Variants in STXBP5L observed in about 807,000 individuals in gnomAD.
STXBP5L encodes the protein syntaxin-binding protein 5-like.
In STXBP5L, 65 loss-of-function variants were observed where a neutral mutation model predicts 144.5. The ratio of observed to expected loss-of-function variants is 0.45; its 90% CI spans 0.37 to 0.55. The LOEUF is 0.55. STXBP5L is among the 20% of genes least tolerant of loss of function. The pLI, the probability that STXBP5L is intolerant of heterozygous loss-of-function variation, is 0.00. For missense variants in STXBP5L, 1,298 were observed against 1,405.5 expected (o/e 0.92, Z 1.22); for synonymous variants, 505 against 469.6 (o/e 1.08, Z -0.97).
At chr3:121,357,916 T>A (rs986427239) in intron 20 of STXBP5L, 1 of 152,202 alleles carries the variant, frequency 6.6e-6, no homozygotes, top group Non-Finnish European at 1.5e-5. Context: ...CAAATACCTA[T>A]TTATGAAGTG....
At chr3:121,372,593 G>A (rs2046065214) in intron 20 of STXBP5L, among the ~76,000 whole-genome samples, 1 of 152,142 alleles carries the variant, frequency 6.6e-6, no homozygotes, top group African/African-American at 2.4e-5. Flanking sequence ...ATTGGGGTCA[G>A]GGAACAAGTC....
rs1042745303 is a variant in STXBP5L, at chr3:120,954,239, T to G, written c.190-701T>G. The stretch of plus-strand genomic sequence containing the variant: ...TCTTAACATTTTTTGAGGTGTAATT[T>G]ATATGCAGAGAAATCACAAATTTTA... On this transcript the variant is annotated intron_variant, in intron 2 of 26. Transcript: ENST00000471454. Among the ~76,000 whole-genome samples, 4 of 152,190 alleles carry G rather than the reference T, an allele frequency of 2.6e-5. No individual in the cohort carries two copies. The East Asian group carries it at 7.7e-4, about 29-fold the overall frequency.
chr3:121,252,551 A>G (rs796637272), intron 15 of STXBP5L, among the ~76,000 whole-genome samples: 11 of 152,322 alleles, frequency 7.2e-5, no homozygotes, highest in African/African-American at 2.4e-4. Context: ...AGCATGTTTA[A>G]TATTTTCACT....
At chr3:121,277,276 A>G (rs1394954104) in intron 18 of STXBP5L, among the ~76,000 whole-genome samples, 2 of 151,932 alleles carry the variant, frequency 1.3e-5, no homozygotes, top group Non-Finnish European at 2.9e-5. Context: ...CTCTAATTTT[A>G]TCCATGAGAG....
intron 3 of STXBP5L, 113 bp from the exon 4 acceptor site, chr3:121,041,586 TA>T (rs1394365415): frequency 5.1e-5 from 38 of 738,228 alleles, no homozygotes; most frequent in Non-Finnish European, 8.1e-5. Flanking sequence ...CAACTATTTA[TA>T]AAAATAAGGG....
intron 7 of STXBP5L, among the ~76,000 whole-genome samples, chr3:121,148,830 T>G (rs940728967): frequency 4.6e-5 from 7 of 152,130 alleles, no homozygotes; most frequent in Admixed American, 1.3e-4. Flanking sequence ...CATGGCAGTA[T>G]TATTACATCA....
chr3:121,148,850 T>C (rs1402846909), intron 7 of STXBP5L, among the ~76,000 whole-genome samples: 1 of 152,062 alleles, frequency 6.6e-6, no homozygotes, highest in Non-Finnish European at 1.5e-5. Flanking sequence ...AACTGTAAAA[T>C]GAATAAATTA....
intron 3 of STXBP5L, among the ~76,000 whole-genome samples, chr3:120,963,010 C>T (rs574215190): frequency 2.0e-5 from 3 of 152,246 alleles, no homozygotes; most frequent in South Asian, 4.1e-4. Context: ...TAGTTGGATT[C>T]CTAGGTATTT....
chr3:121,192,049 A>G (rs562942766), intron 9 of STXBP5L, among the ~76,000 whole-genome samples: 1 of 152,166 alleles, frequency 6.6e-6, no homozygotes, highest in South Asian at 2.1e-4. Context: ...TACATATGTA[A>G]CAAACCTGCA....
At chr3:121,193,363 C>T (rs927763750) in intron 9 of STXBP5L, among the ~76,000 whole-genome samples, 1 of 142,884 alleles carries the variant, frequency 7.0e-6, no homozygotes, top group African/African-American at 2.6e-5. Context: ...AGCACTTTTA[C>T]ACTGTTAGTG....
At chr3:121,263,424 T>C (rs547409644) in intron 18 of STXBP5L, among the ~76,000 whole-genome samples, 2 of 152,242 alleles carry the variant, frequency 1.3e-5, no homozygotes, top group South Asian at 4.1e-4. Context: ...CTCTAAATCA[T>C]CACAATTCCT....
intron 19 of STXBP5L, among the ~76,000 whole-genome samples, chr3:121,298,992 A>T (rs2051776364): frequency 6.6e-6 from 1 of 152,200 alleles, no homozygotes; most frequent in Admixed American, 6.5e-5. Context: ...TAATTATAAG[A>T]ACCTTTGTGA....
intron 7 of STXBP5L, among the ~76,000 whole-genome samples, chr3:121,149,986 TTGTGAGGCATTTTTG>T (rs1371247413): frequency 1.3e-5 from 2 of 152,148 alleles, no homozygotes; most frequent in Non-Finnish European, 1.5e-5. Context: ...CATCTGTGTC[TTGTGAGGCATTTTTG>T]TTCAGTTCTG....
At chr3:121,247,542 G>A (rs979272454) in intron 14 of STXBP5L, among the ~76,000 whole-genome samples, 1 of 152,088 alleles carries the variant, frequency 6.6e-6, no homozygotes, top group Non-Finnish European at 1.5e-5. Flanking sequence ...TTAATGTTTA[G>A]CTCCCAGTTA....
chr3:121,389,441 T>C (rs2046518168), intron 22 of STXBP5L, among the ~76,000 whole-genome samples: 1 of 152,236 alleles, frequency 6.6e-6, no homozygotes, highest in Non-Finnish European at 1.5e-5. Context: ...TGAATTTGTT[T>C]GCTCTTGCAT....
intron 19 of STXBP5L, among the ~76,000 whole-genome samples, chr3:121,299,750 G>C (rs1318717981): frequency 6.6e-6 from 1 of 151,978 alleles, no homozygotes; most frequent in East Asian, 1.9e-4. Flanking sequence ...ACTTTGGGAA[G>C]CTGAGGCAGG....
intron 5 of STXBP5L, among the ~76,000 whole-genome samples, chr3:121,089,517 G>T (rs2042672876): frequency 3.5e-5 from 2 of 57,022 alleles, no homozygotes; most frequent in Admixed American, 2.3e-4. Flanking sequence ...TTCTCTTGCT[G>T]CTTTAAAGAT....
intron 5 of STXBP5L, among the ~76,000 whole-genome samples, chr3:121,063,516 T>C (rs2041389139): frequency 6.6e-6 from 1 of 152,242 alleles, no homozygotes; most frequent in Non-Finnish European, 1.5e-5. Context: ...TTAGCAGAGC[T>C]TGAGCACTGT....
Position 121,239,089 on chromosome 3 carries a change from A to G in STXBP5L, c.1303A>G (p.Lys435Glu), listed in dbSNP as rs1180265485. The G allele has an allele frequency of 8.8e-6, 14 of 1,587,474 alleles. No individual in the cohort carries two copies. Among genetic ancestry groups the G allele is most frequent in the East Asian group, 2.3e-5 (1 of 43,440 alleles). Residue 435 changes from lysine (K) to glutamate (E), a missense_variant, in exon 13 of 27, where the codon AAG (lysine) becomes GAG (glutamate). By Grantham distance (56) the Lys-to-Glu change is moderately conservative. Transcript: ENST00000471454. ...TCTAGTACTGTATTCTATAGGAGTCAAGCATAAAAAACAAGGATACAGTAA... is the reference window on the plus strand; with the variant it reads ...TCTAGTACTGTATTCTATAGGAGTCGAGCATAAAAAACAAGGATACAGTAA... ...LILVLYSIGV[K>E]HKKQGYSNKE...
Sources: allele counts gnomAD v4.1 joint callset (sites outside exome capture counted in the v4.1 genomes callset), GRCh38; gene constraint gnomAD v4.1.1; transcripts MANE v1.5; gene names NCBI Gene and HGNC (gene_info 2026-07-23, HGNC 2026-07-21).